ROBO2: variants seen among roughly 807,000 people sequenced by gnomAD.
The protein encoded by ROBO2 is roundabout guidance receptor 2.
ROBO2 carries 53 observed loss-of-function variants against 160.8 expected under a neutral mutation model. The observed-to-expected ratio is 0.33, with a 90% confidence interval of 0.26 to 0.41. The LOEUF is 0.41. Ranked by LOEUF, ROBO2 falls within the 10% of genes least tolerant of loss-of-function variation. The probability of loss-of-function intolerance (pLI) is 1.00; values close to 1 mark genes in which losing one functional copy is unlikely to be tolerated. For synonymous variants in ROBO2, 664 were observed against 611.7 expected, an observed-to-expected ratio of 1.09 and a Z score of -1.26; for missense variants, 1,577 against 1,722.4, an observed-to-expected ratio of 0.92 and a Z score of 1.49.
At position 76,037,459 on chromosome 3, in the gene ROBO2, G is replaced by T. The variant is rs549187130; in HGVS notation, c.109+99857G>T. Among the ~76,000 whole-genome samples the T allele has an allele frequency of 7.6e-4, 116 of 151,776 alleles. 2 individuals carry two copies. In the Middle Eastern group the frequency reaches 0.017, roughly 22 times the overall value. On this transcript the variant is annotated intron_variant, in intron 2 of 26. Coordinates refer to the ROBO2 transcript ENST00000487694. ...TTTTACTAGAGACGGGGTTTCACTT[G>T]TTGGCTGGGCTGGTCTCGAACTCCT... is the stretch of plus-strand genomic sequence containing the variant.
chr3:77,350,898 C>T (rs938267022), intron 2 of ROBO2, among the ~76,000 whole-genome samples: 1 of 152,138 alleles, frequency 6.6e-6, no homozygotes, highest in East Asian at 1.9e-4. Flanking sequence ...AATCAGCCAG[C>T]CAGAGAACTA....
At chr3:76,424,161 G>A (rs1258167632) in intron 2 of ROBO2, among the ~76,000 whole-genome samples, 2 of 152,082 alleles carry the variant, frequency 1.3e-5, no homozygotes, top group African/African-American at 4.8e-5. Flanking sequence ...ACCAATAGAA[G>A]TCGTGAAAAT....
intron 2 of ROBO2, among the ~76,000 whole-genome samples, chr3:77,204,521 G>A (rs1410832058): frequency 2.0e-5 from 3 of 151,682 alleles, no homozygotes; most frequent in Non-Finnish European, 4.4e-5. Context: ...TTTTTGTTAG[G>A]CTTTTATAAT....
intron 2 of ROBO2, among the ~76,000 whole-genome samples, chr3:75,945,238 T>C (rs546053672): frequency 1.6e-3 from 247 of 152,226 alleles, no homozygotes; most frequent in African/African-American, 5.4e-3. Flanking sequence ...GTAAGTTAGA[T>C]GGTGAAAAGT....
In ROBO2 at chr3:77,643,665, C is replaced by G. The variant is rs200947158; in HGVS notation, c.3935-1039C>G. Among the ~76,000 whole-genome samples the G allele has an allele frequency of 5.9e-5, 9 of 152,298 alleles. No homozygotes were observed. In the East Asian group the frequency reaches 1.7e-3, roughly 29 times the overall value. ...GATTCATTGAGTACTGAAACACACA[C>G]ATACACATACACACAATCTTTGAAA... On this transcript the variant is annotated intron_variant, in intron 24 of 25. Coordinates refer to ENST00000461745, the Ensembl canonical transcript of ROBO2.
rs1365581500 is a variant in ROBO2 at position 77,576,748 on chromosome 3, C to T, written c.2204-742C>T. 6.6e-5 allele frequency among the ~76,000 whole-genome samples: 10 copies of T among 152,186 alleles called. No homozygotes were observed. In the East Asian group the frequency reaches 1.7e-3, roughly 27 times the overall value. On this transcript the variant is annotated intron_variant, in intron 14 of 25. Transcript: ENST00000461745. Reference sequence around the variant, plus strand: ...CATTTGACCCAACATGAACTGTTTTCATTTTTATCATCAGAGTCCCTTGCC... The same window carrying T: ...CATTTGACCCAACATGAACTGTTTTTATTTTTATCATCAGAGTCCCTTGCC...
At chr3:77,590,150 A>G (rs942784538) in intron 17 of ROBO2, among the ~76,000 whole-genome samples, 2 of 152,150 alleles carry the variant, frequency 1.3e-5, no homozygotes, top group Non-Finnish European at 2.9e-5. Context: ...TTGTGTCTAT[A>G]TCTTATGAAG....
chr3:76,016,693 A>T (rs554246755), intron 2 of ROBO2, among the ~76,000 whole-genome samples: 1 of 152,158 alleles, frequency 6.6e-6, no homozygotes, highest in South Asian at 2.1e-4. Context: ...GCCGTGGGCC[A>T]TATTGAAAGA....
chr3:76,267,683 T>A (rs1451263545), intron 2 of ROBO2, among the ~76,000 whole-genome samples: 2 of 152,166 alleles, frequency 1.3e-5, no homozygotes, highest in Non-Finnish European at 1.5e-5. Context: ...TAAATTCTAT[T>A]AGACTAGTAT....
intron 2 of ROBO2, among the ~76,000 whole-genome samples, chr3:76,838,825 T>G (rs1264202050): frequency 6.6e-6 from 1 of 152,168 alleles, no homozygotes; most frequent in African/African-American, 2.4e-5. Flanking sequence ...TTCAGTTTCT[T>G]CATCTGTAAA....
At chr3:76,332,309 G>C (rs1351142255) in intron 2 of ROBO2, among the ~76,000 whole-genome samples, 1 of 152,182 alleles carries the variant, frequency 6.6e-6, no homozygotes, top group Admixed American at 6.5e-5. Context: ...AGTTGTGTAT[G>C]TGAAGCAAGG....
At chr3:76,665,936 TATA>T (rs966756382) in intron 2 of ROBO2, among the ~76,000 whole-genome samples, 2 of 139,852 alleles carry the variant, frequency 1.4e-5, no homozygotes, top group Non-Finnish European at 3.1e-5. Flanking sequence ...GTAATATACA[TATA>T]ATATATTATA....
At chr3:76,884,735 T>C (rs1310196125) in intron 2 of ROBO2, among the ~76,000 whole-genome samples, 2 of 152,184 alleles carry the variant, frequency 1.3e-5, no homozygotes, top group Non-Finnish European at 2.9e-5. Context: ...TATTTTAATC[T>C]TTTTAATTAA....
At chr3:77,040,100 G>C in exon 1 of ROBO2, 1 of 815,266 alleles carries the variant, frequency 1.2e-6, no homozygotes, top group Non-Finnish European at 1.5e-6. Flanking sequence ...CCCTCACCAC[G>C]TAGGAGTTCG....
chr3:76,141,076 T>TATATATATATATATATATATATATATAA (rs1157246932), intron 2 of ROBO2, among the ~76,000 whole-genome samples: 1 of 114,138 alleles, frequency 8.8e-6, no homozygotes, highest in Non-Finnish European at 1.8e-5. Flanking sequence ...TATATATATA[T>TATATATATATATATATATATATATATAA]AAAATATATG....
At chr3:76,164,139 T>G (rs2072740249) in intron 2 of ROBO2, among the ~76,000 whole-genome samples, 1 of 152,206 alleles carries the variant, frequency 6.6e-6, no homozygotes, top group Admixed American at 6.5e-5. Flanking sequence ...ACCACTCTCT[T>G]TGCTCATCCA....
chr3:76,857,531 G>A (rs996013104), intron 2 of ROBO2, among the ~76,000 whole-genome samples: 1 of 151,790 alleles, frequency 6.6e-6, no homozygotes, highest in Admixed American at 6.5e-5. Flanking sequence ...GTGTTTTTTC[G>A]AAGTGGGCAC....
At chr3:76,682,605 A>G (rs1440452249) in intron 2 of ROBO2, among the ~76,000 whole-genome samples, 2 of 151,946 alleles carry the variant, frequency 1.3e-5, no homozygotes, top group Non-Finnish European at 2.9e-5. Flanking sequence ...ACGGGATTTC[A>G]CCATCTTGGC....
intron 2 of ROBO2, among the ~76,000 whole-genome samples, chr3:76,782,706 GT>G (rs1314882944): frequency 6.6e-6 from 1 of 150,524 alleles, no homozygotes; most frequent in African/African-American, 2.4e-5. Context: ...ACTCTGCTCT[GT>G]TTTGGTTACA....
Sources: gnomAD v4.1 joint callset for allele counts (sites outside exome capture counted in the v4.1 genomes callset) on GRCh38, gnomAD v4.1.1 for gene constraint, MANE v1.5 for transcripts, NCBI Gene and HGNC (gene_info 2026-07-23, HGNC 2026-07-21) for gene names.